Variants in LRBA observed in about 807,000 individuals in gnomAD.
The protein encoded by LRBA is LPS responsive beige-like anchor protein.
In LRBA, 176 loss-of-function variants were observed where a neutral mutation model predicts 330.0. The ratio of observed to expected loss-of-function variants is 0.53; its 90% CI spans 0.47 to 0.60. The LOEUF is 0.60. Ranked by LOEUF, LRBA falls within the 20% of genes least tolerant of loss-of-function variation. The pLI, the probability that LRBA is intolerant of heterozygous loss-of-function variation, is 0.00. For synonymous variants in LRBA, 1,230 were observed against 1,193.0 expected (o/e 1.03, Z -0.64); for missense variants, 3,259 against 3,444.8 (o/e 0.95, Z 1.35).
rs1581892733 is a variant in LRBA, at chr4:150,639,809, GTGTGTGTGTGTATATATATATATATATA to G, written c.5922-40706_5922-40679del. ...TGTGTGTGTATATATATATATATGTGTGTGTGTGTGTATATATATATATATATATATATATATATATATATATATATAT... is the reference window on the plus strand; with the variant it reads ...TGTGTGTGTATATATATATATATGTGTATATATATATATATATATATATAT... On this transcript the variant is annotated intron_variant, in intron 37 of 56. Transcript: ENST00000651943. Among the ~76,000 whole-genome samples the G allele has an allele frequency of 6.2e-3, 38 of 6,120 alleles. 2 individuals carry two copies. Among genetic ancestry groups the G allele is most frequent in the African/African-American group, 0.013 (30 of 2,252 alleles). 4.0% of individuals were successfully genotyped at this position (6,120 alleles called of 152,430 possible). A position where few individuals can be genotyped will look rare whatever the true frequency, so the allele number is the denominator to read the frequency against.
At chr4:150,914,592 C>CA (rs1732377232) in intron 8 of LRBA, among the ~76,000 whole-genome samples, 1 of 152,090 alleles carries the variant, frequency 6.6e-6, no homozygotes, top group African/African-American at 2.4e-5. Context: ...CATCCTATGC[C>CA]ACTGAGTATG....
At chr4:150,822,888 T>C (rs1745668890) in intron 30 of LRBA, among the ~76,000 whole-genome samples, 1 of 152,174 alleles carries the variant, frequency 6.6e-6, no homozygotes, top group Non-Finnish European at 1.5e-5. Flanking sequence ...CTACTAAAAA[T>C]ACAAAGACTA....
chr4:150,944,125 A>C (rs1360139167), intron 2 of LRBA, among the ~76,000 whole-genome samples: 1 of 152,210 alleles, frequency 6.6e-6, no homozygotes, highest in Non-Finnish European at 1.5e-5. Context: ...ACCCTGAGTC[A>C]AAACTATCTA....
At chr4:150,836,197 G>A (rs1015498432) in intron 28 of LRBA, among the ~76,000 whole-genome samples, 3 of 152,276 alleles carry the variant, frequency 2.0e-5, no homozygotes, top group South Asian at 2.1e-4. Context: ...GCTGGATTCG[G>A]TTTGCCAGTA....
At chr4:150,662,919 T>C (rs1366479539) in intron 37 of LRBA, among the ~76,000 whole-genome samples, 1 of 152,098 alleles carries the variant, frequency 6.6e-6, no homozygotes, top group African/African-American at 2.4e-5. Flanking sequence ...ATTGTGGCAC[T>C]GCACTCCAAC....
At chr4:150,710,186 G>A (rs1290481079) in intron 36 of LRBA, among the ~76,000 whole-genome samples, 1 of 152,078 alleles carries the variant, frequency 6.6e-6, no homozygotes, top group African/African-American at 2.4e-5. Context: ...AATGTTTTTG[G>A]AGGCAAAATA....
intron 40 of LRBA, among the ~76,000 whole-genome samples, chr4:150,526,923 A>T (rs927757334): frequency 6.6e-6 from 1 of 152,086 alleles, no homozygotes; most frequent in Non-Finnish European, 1.5e-5. Flanking sequence ...TCCAAACAAT[A>T]ATCACAGAAG....
At chr4:150,736,118 C>T (rs1731147098) in intron 35 of LRBA, among the ~76,000 whole-genome samples, 1 of 152,172 alleles carries the variant, frequency 6.6e-6, no homozygotes, top group South Asian at 2.1e-4. Flanking sequence ...CAAACTCTCA[C>T]AAGAACTTAA....
chr4:150,949,443 G>A (rs974696517), intron 2 of LRBA, among the ~76,000 whole-genome samples: 2 of 152,018 alleles, frequency 1.3e-5, no homozygotes, highest in African/African-American at 2.4e-5. Context: ...GGGTATAGCT[G>A]TAAGAGGGTA....
chr4:150,510,405 A>G (rs1204493095), intron 40 of LRBA, among the ~76,000 whole-genome samples: 1 of 152,192 alleles, frequency 6.6e-6, no homozygotes, highest in East Asian at 1.9e-4. Flanking sequence ...AAAACCAGAC[A>G]AACACAGTAT....
chr4:150,660,468 G>C (rs1386987607), intron 37 of LRBA, among the ~76,000 whole-genome samples: 165 of 151,466 alleles, frequency 1.1e-3, no homozygotes, highest in Admixed American at 2.8e-3. Context: ...CGCCCCGTCC[G>C]GGAGGGAGGT....
chr4:150,480,730 T>C (rs1323998450), intron 42 of LRBA, among the ~76,000 whole-genome samples: 1 of 152,186 alleles, frequency 6.6e-6, no homozygotes, highest in African/African-American at 2.4e-5. Flanking sequence ...GATGTAATAA[T>C]TGTACATATT....
intron 2 of LRBA, among the ~76,000 whole-genome samples, chr4:150,930,475 A>C (rs1284381405): frequency 6.6e-6 from 1 of 152,204 alleles, no homozygotes; most frequent in African/African-American, 2.4e-5. Context: ...CCTAGGCAAC[A>C]GACCAAGACT....
At chr4:150,662,403 C>A (rs1055430443) in intron 37 of LRBA, among the ~76,000 whole-genome samples, 1 of 152,170 alleles carries the variant, frequency 6.6e-6, no homozygotes, top group African/African-American at 2.4e-5. Context: ...CCACTCCCTC[C>A]CAAAGCACAC....
chr4:150,648,350 C>T (rs892742639), intron 37 of LRBA, among the ~76,000 whole-genome samples: 2 of 151,566 alleles, frequency 1.3e-5, no homozygotes, highest in Admixed American at 6.6e-5. Flanking sequence ...AAGAGGCTGA[C>T]GGATGAACAG....
chr4:150,684,232 G>A (rs1375307313), intron 36 of LRBA, among the ~76,000 whole-genome samples: 3 of 152,164 alleles, frequency 2.0e-5, no homozygotes, highest in African/African-American at 7.2e-5. Context: ...AGAATGGATT[G>A]TAGTGGGACA....
chr4:150,828,809 T>C (rs937528200), intron 29 of LRBA, among the ~76,000 whole-genome samples, 188 bp from the exon 30 acceptor site: 5 of 152,142 alleles, frequency 3.3e-5, no homozygotes, highest in African/African-American at 4.8e-5. Flanking sequence ...TCAAGACAGA[T>C]GGTATAATAA....
chr4:150,314,041 A>T (rs1731410346), intron 51 of LRBA, among the ~76,000 whole-genome samples: 2 of 151,912 alleles, frequency 1.3e-5, no homozygotes. Flanking sequence ...TTTGCAGATT[A>T]GAGGTGCTCA....
chr4:150,378,170 T>C (rs1561090259), intron 47 of LRBA, among the ~76,000 whole-genome samples: 1 of 152,206 alleles, frequency 6.6e-6, no homozygotes, highest in South Asian at 2.1e-4. Flanking sequence ...TTACTTCTTA[T>C]GTATAAGTGA....
Sources: gnomAD v4.1 joint callset for allele counts (sites outside exome capture counted in the v4.1 genomes callset) on GRCh38, gnomAD v4.1.1 for gene constraint, MANE v1.5 for transcripts, NCBI Gene and HGNC (gene_info 2026-07-23, HGNC 2026-07-21) for gene names.